Variants in PTCH2 observed in about 807,000 individuals in gnomAD.
The protein encoded by PTCH2 is protein patched homolog 2.
In PTCH2, 96 loss-of-function variants were observed where a neutral mutation model predicts 117.9. The ratio of observed to expected loss-of-function variants is 0.81; its 90% CI spans 0.69 to 0.96. The LOEUF (loss-of-function observed/expected upper bound fraction) is 0.96. Among genes scored for constraint, PTCH2 ranks in the 50% least tolerant of loss-of-function variants. The pLI is 0.00. For synonymous variants in PTCH2, 615 were observed against 660.9 expected (o/e 0.93, Z 1.06); for missense variants, 1,379 against 1,562.5 (o/e 0.88, Z 1.98).
Position 44,826,742 on chromosome 1 carries a change from C to A in PTCH2, c.2722G>T (p.Ala908Ser), listed in dbSNP as rs1320606985. The A allele has an allele frequency of 1.9e-6, 3 of 1,594,704 alleles. No individual in the cohort carries two copies. Among genetic ancestry groups the A allele is most frequent in the African/African-American group, 1.3e-5 (1 of 74,450 alleles). Residue 908 changes from alanine to serine, a missense_variant, in exon 18 of 22, where the codon GCC becomes TCC. Coordinates refer to ENST00000372192, the MANE Select transcript of PTCH2 (RefSeq NM_003738.5). This position sits in a 1 kb window ranked among gnomAD's most constrained non-coding sequence, Gnocchi z 5.1. ...RIPPAQPLEFAQFPFLLRGLQ... is the reference protein window; with the variant it reads ...RIPPAQPLEFSQFPFLLRGLQ... ...CCACGCAGCAGGAAGGGGAACTGGG[C>A]AAACTCCAAGGGCTGAGCTGGCGGG...
chr1:44,842,188 T>C (rs1316035342), intron 1 of PTCH2, 149 bp from the exon 2 acceptor site: 3 of 738,844 alleles, frequency 4.1e-6, no homozygotes, highest in Non-Finnish European at 2.3e-6. Context: ...AGGCCCAGAC[T>C]TGGAAGATGT....
rs2148877520 is a variant in PTCH2 at position 44,829,382 on chromosome 1, G to A, written c.1215+20C>T. 1.2e-6 allele frequency: 2 copies of A among 1,614,088 alleles called. No homozygotes were observed. Among genetic ancestry groups the A allele is most frequent in the Non-Finnish European group, 1.7e-6 (2 of 1,180,004 alleles). On this transcript the variant is annotated intron_variant, in intron 9 of 21. Transcript: ENST00000372192. ...TGGTTGGAGGTGGGGTGGGGGCAAG[G>A]TGCCAGGTGCAAGACCCACCATGAG...
chr1:44,832,654 G>C lies in PTCH2; in HGVS notation c.266-313C>G, dbSNP rs1382635065. 1.1e-4 allele frequency among the ~76,000 whole-genome samples: 17 copies of C among 152,360 alleles called. No individual in the cohort carries two copies. The East Asian group carries it at 3.3e-3, about 29-fold the overall frequency. ...AACTTAAAAATGACAATCAGCATGA[G>C]CTGGCCGTGGGCTGTGGGGGTTGTA... On this transcript the variant is annotated intron_variant, in intron 2 of 21. Coordinates refer to ENST00000372192, the MANE Select transcript of PTCH2 (RefSeq NM_003738.5).
chr1:44,842,849 C>T lies in PTCH2; in HGVS notation c.72+12G>A. 2 of 1,548,472 alleles carry T rather than the reference C, an allele frequency of 1.3e-6. No individual in the cohort carries two copies. The highest frequency in any genetic ancestry group is 1.7e-6 in the Non-Finnish European group (2 of 1,144,124). ...CCGCTCTCTTCCTTCTTCCAGCTCCCCCTCTACTCACCTGGGGTGCTGCGG... is the reference window on the plus strand; with the variant it reads ...CCGCTCTCTTCCTTCTTCCAGCTCCTCCTCTACTCACCTGGGGTGCTGCGG... On this transcript the variant is annotated intron_variant, in intron 1 of 21. Coordinates refer to ENST00000372192, the MANE Select transcript of PTCH2 (RefSeq NM_003738.5).
In PTCH2 at chr1:44,823,455, G is replaced by GT. The variant is rs1653004586; in HGVS notation, c.3115-71dup. ...GGCCAGCTCAGCCATGTCCCGAGCTGTATCTGTCTTCAGAGCTCAACGATA... is the reference window on the plus strand; with the variant it reads ...GGCCAGCTCAGCCATGTCCCGAGCTGTTATCTGTCTTCAGAGCTCAACGATA... On this transcript the variant is annotated intron_variant, in intron 19 of 21. Coordinates refer to ENST00000372192, the MANE Select transcript of PTCH2 (RefSeq NM_003738.5). The surrounding 1 kb of genome is among the most constrained non-coding windows in gnomAD (Gnocchi z 5.1). 4 of 1,607,160 alleles carry GT rather than the reference G, an allele frequency of 2.5e-6. No individual in the cohort carries two copies. Among genetic ancestry groups the GT allele is most frequent in the Non-Finnish European group, 3.4e-6 (4 of 1,175,106 alleles).
chr1:44,829,576 G>A, intron 8 of PTCH2, 38 bp downstream of exon 8: 1 of 1,614,168 alleles, frequency 6.2e-7, no homozygotes, highest in Non-Finnish European at 8.5e-7. Flanking sequence ...AGGAGGGAAT[G>A]GCCTCAGGGC....
rs758705661 is a variant in PTCH2 at position 44,832,367 on chromosome 1, G to C, written c.266-26C>G. The C allele has an allele frequency of 1.4e-5, 22 of 1,612,946 alleles. No homozygotes were observed. The Admixed American group carries it at 2.2e-4, about 16-fold the overall frequency. ...CTGCCAGAGCAAACAGAGAAAGCTGGGGGGGAAAGGGCCTAGGCGGGTCAG... is the reference window on the plus strand; with the variant it reads ...CTGCCAGAGCAAACAGAGAAAGCTGCGGGGGAAAGGGCCTAGGCGGGTCAG... On this transcript the variant is annotated intron_variant, in intron 2 of 21. Coordinates refer to ENST00000372192, the MANE Select transcript of PTCH2 (RefSeq NM_003738.5).
In PTCH2 at chr1:44,823,334, C is replaced by G. The variant is rs1488300164; in HGVS notation, c.3166G>C (p.Glu1056Gln). Residue 1056 changes from glutamate (E) to glutamine (Q), a missense_variant, in exon 20 of 22, where the codon GAG (glutamate) becomes CAG (glutamine). By Grantham distance (29) the Glu-to-Gln change is conservative (BLOSUM62 2). Transcript: ENST00000372192. The surrounding 1 kb of genome is among the most constrained non-coding windows in gnomAD (Gnocchi z 5.1). ...TCGGTCACGGGGGCAAATGTGTGCT[C>G]AAGGGCATGGGCGGCCCGCAGGTTC... ...SRNLRAAHALEHTFAPVTDGA... is the reference protein window; with the variant it reads ...SRNLRAAHALQHTFAPVTDGA... 16 of 1,614,108 alleles carry G rather than the reference C, an allele frequency of 9.9e-6. No individual in the cohort carries two copies. In the Admixed American group the frequency reaches 1.5e-4, roughly 15 times the overall value.
Position 44,843,029 on chromosome 1 carries a change from G to C in PTCH2, c.-97C>G. On this transcript the variant is annotated 5_prime_UTR_variant, in exon 1 of 22. Transcript: ENST00000372192. ...TCCCGGTACCGCTGGGCCCCGCGTAGGGATTCAGTGGGGCCGCCAAGGCGC... is the reference window on the plus strand; with the variant it reads ...TCCCGGTACCGCTGGGCCCCGCGTACGGATTCAGTGGGGCCGCCAAGGCGC... The C allele has an allele frequency of 7.0e-7, 1 of 1,436,948 alleles. No homozygotes were observed. Among genetic ancestry groups the C allele is most frequent in the Non-Finnish European group, 9.1e-7 (1 of 1,099,746 alleles). 89.0% of individuals were successfully genotyped at this position (1,436,948 alleles called of 1,614,324 possible).
intron 19 of PTCH2, among the ~76,000 whole-genome samples, chr1:44,825,129 C>T (rs766528149): frequency 6.6e-6 from 1 of 151,982 alleles, no homozygotes; most frequent in Non-Finnish European, 1.5e-5. Flanking sequence ...TACTGTCTAT[C>T]TCTCTCTTCT....
In PTCH2 at chr1:44,832,220, G is replaced by A. The variant is rs772262804; in HGVS notation, c.387C>T (p.Pro129=). Residue 129 remains proline, a synonymous_variant, in exon 3 of 22, where the codon CCC becomes CCT. Coordinates refer to ENST00000372192, the MANE Select transcript of PTCH2 (RefSeq NM_003738.5). ...CCTGGAGGTGGAGGCCAAGTGCTTC[G>A]GGTGTGAGGATGTTCTCTCCCTCCT... The part of the protein sequence containing the change: ...ARQEGENILT[P]EALGLHLQAA... 17 of 1,614,030 alleles carry A rather than the reference G, an allele frequency of 1.1e-5. No homozygotes were observed. The South Asian group carries it at 1.1e-4, about 10-fold the overall frequency.
chr1:44,841,811 A>G (rs1280212492), intron 2 of PTCH2, 36 bp downstream of exon 2: 2 of 1,608,466 alleles, frequency 1.2e-6, no homozygotes, highest in Admixed American at 1.7e-5. Flanking sequence ...TGGGCTCACC[A>G]TACCTGAGCA....
rs1653427781 is a variant in PTCH2, at chr1:44,831,129, C to A, written c.618-86G>T. 6 of 1,323,796 alleles carry A rather than the reference C, an allele frequency of 4.5e-6. No homozygotes were observed. Among genetic ancestry groups the A allele is most frequent in the Non-Finnish European group, 6.3e-6 (6 of 950,156 alleles). The allele number at this position is 1,323,796 out of a possible 1,614,324, so 82.0% of individuals were successfully genotyped here. A position where few individuals can be genotyped will look rare whatever the true frequency, so the allele number is the denominator to read the frequency against. ...GCTGGGGCGCCATGCTGTACCCCACCCTCCTCTTATCTGCCGATTTGTCCT... is the reference window on the plus strand; with the variant it reads ...GCTGGGGCGCCATGCTGTACCCCACACTCCTCTTATCTGCCGATTTGTCCT... On this transcript the variant is annotated intron_variant, in intron 5 of 21. Transcript: ENST00000372192. The surrounding 1 kb of genome is among the most constrained non-coding windows in gnomAD (Gnocchi z 4.3).
rs1444986088 is a variant in PTCH2 at position 44,827,387 on chromosome 1, C to T, written c.2371+15G>A. ...CCCTGCAGCACCCCTCCCTGCCCGT[C>T]TCCTCGCCTCTCACCCTGTAGCCAG... is the stretch of plus-strand genomic sequence containing the variant. On this transcript the variant is annotated intron_variant, in intron 15 of 21. Transcript: ENST00000372192. 1.2e-6 allele frequency: 2 copies of T among 1,613,804 alleles called. No individual in the cohort carries two copies. The highest frequency in any genetic ancestry group is 1.3e-5 in the African/African-American group (1 of 74,932).
At chr1:44,825,007 G>T (rs938570173) in intron 19 of PTCH2, among the ~76,000 whole-genome samples, 1 of 152,052 alleles carries the variant, frequency 6.6e-6, no homozygotes, top group Non-Finnish European at 1.5e-5. Context: ...CCATTCAAAA[G>T]AATCATTGAT....
intron 19 of PTCH2, among the ~76,000 whole-genome samples, chr1:44,824,500 ATTT>A (rs35156371): frequency 7.2e-5 from 10 of 139,530 alleles, no homozygotes; most frequent in Non-Finnish European, 7.7e-5. Context: ...CTACCATCCC[ATTT>A]TTTTTTTTTT....
chr1:44,829,890 C>G lies in PTCH2; in HGVS notation c.935+19G>C. On this transcript the variant is annotated intron_variant, in intron 7 of 21. Transcript: ENST00000372192. ...CTCATGAACAGAGTCCCCTCACCAA[C>G]TCCCAGAGGAGACCCTACCTCAGCA... is the stretch of plus-strand genomic sequence containing the variant. 6.2e-7 allele frequency: 1 copy of G among 1,614,072 alleles called. No homozygotes were observed. The highest frequency in any genetic ancestry group is 8.5e-7 in the Non-Finnish European group (1 of 1,179,928).
chr1:44,835,819 G>T (rs555150137), intron 2 of PTCH2, among the ~76,000 whole-genome samples: 1 of 152,318 alleles, frequency 6.6e-6, no homozygotes, highest in South Asian at 2.1e-4. Context: ...GACCAGGTGT[G>T]CGCAGGGAAC....
At chr1:44,830,783 A>T in intron 6 of PTCH2, 65 bp downstream of exon 6, 1 of 1,467,998 alleles carries the variant, frequency 6.8e-7, no homozygotes, top group Non-Finnish European at 9.2e-7. Flanking sequence ...CCCAGAACAC[A>T]GGAGTATGAG....
Sources: allele counts gnomAD v4.1 joint callset (sites outside exome capture counted in the v4.1 genomes callset), GRCh38; gene constraint gnomAD v4.1.1; non-coding constraint Gnocchi (gnomAD v3.1); transcripts MANE v1.5; gene names NCBI Gene and HGNC (gene_info 2026-07-23, HGNC 2026-07-21).